SEMA5A: variants seen among roughly 807,000 people sequenced by gnomAD.
SEMA5A encodes semaphorin 5A, also known as semaphorin-5A.
In SEMA5A, 55 loss-of-function variants were observed where a neutral mutation model predicts 135.5. The ratio of observed to expected loss-of-function variants is 0.41; its 90% CI spans 0.33 to 0.51. SEMA5A has a LOEUF of 0.51. SEMA5A is among the 20% of genes least tolerant of loss of function. SEMA5A has a pLI of 0.37. For missense variants in SEMA5A, 1,290 were observed against 1,419.9 expected (o/e 0.91, Z 1.47); for synonymous variants, 580 against 546.5 (o/e 1.06, Z -0.85).
At chr5:9,504,694 G>T (rs962179924) in intron 1 of SEMA5A, among the ~76,000 whole-genome samples, 1 of 152,234 alleles carries the variant, frequency 6.6e-6, no homozygotes, top group Non-Finnish European at 1.5e-5. Context: ...GAGGCTGAAG[G>T]ACAGGTGCAA....
At chr5:9,255,582 T>C (rs1352824258) in intron 5 of SEMA5A, among the ~76,000 whole-genome samples, 1 of 152,180 alleles carries the variant, frequency 6.6e-6, no homozygotes, top group African/African-American at 2.4e-5. Flanking sequence ...CCATGGCTCA[T>C]CCTGTCCAGG....
chr5:9,119,098 T>A lies in SEMA5A; in HGVS notation c.1825A>T (p.Thr609Ser). The A allele has an allele frequency of 1.9e-6, 3 of 1,613,822 alleles. No individual in the cohort carries two copies. Among genetic ancestry groups the A allele is most frequent in the Non-Finnish European group, 2.5e-6 (3 of 1,179,950 alleles). The change falls in exon 15 of 23, where the codon ACT (threonine) becomes TCT (serine). Residue 609 changes from threonine to serine, a missense_variant. Physicochemically the swap from Thr to Ser is moderately conservative, Grantham distance 58. This residue lies in a region of SEMA5A where 1,029 missense variants were observed against 1,086.6 expected (regional missense o/e 0.95). Transcript: ENST00000382496. ...ACCTGGAAGCCGATCCCACAGGTAG[T>A]GCTGCAGGGAGACCACGAGGTCCAG... ...TPWTSWSPCS[T>S]TCGIGFQVRQ...
chr5:9,232,106 G>A (rs1747662099), intron 6 of SEMA5A, among the ~76,000 whole-genome samples: 2 of 152,174 alleles, frequency 1.3e-5, no homozygotes, highest in African/African-American at 4.8e-5. Flanking sequence ...AGGACACAAG[G>A]CCCCAGCCCC....
At chr5:9,165,670 C>T (rs1368427544) in intron 11 of SEMA5A, among the ~76,000 whole-genome samples, 4 of 152,162 alleles carry the variant, frequency 2.6e-5, no homozygotes, top group African/African-American at 7.2e-5. Flanking sequence ...TTTGGCTCAT[C>T]GACCCAGAGT....
chr5:9,230,158 CTTTTTTTT>C (rs5865817), intron 6 of SEMA5A, among the ~76,000 whole-genome samples: 6 of 98,286 alleles, frequency 6.1e-5, no homozygotes, highest in African/African-American at 1.1e-4. Flanking sequence ...CTATTTTTTT[CTTTTTTTT>C]TTTTTTTTTT....
At chr5:9,196,577 C>T (rs1745397430) in intron 10 of SEMA5A, among the ~76,000 whole-genome samples, 3 of 152,190 alleles carry the variant, frequency 2.0e-5, no homozygotes, top group African/African-American at 4.8e-5. Flanking sequence ...GAGTAAATTG[C>T]TTCATCTCTT....
rs748047695 is a variant in SEMA5A, at chr5:9,119,109, G to A, written c.1814C>T (p.Ser605Phe). Residue 605 changes from serine to phenylalanine, a missense_variant, in exon 15 of 23, where the codon TCT becomes TTT. Ser to Phe is a radical substitution (Grantham distance 155). Around this residue, in one of 3 missense-constraint regions of SEMA5A, gnomAD observed 1,029 missense variants for 1,086.6 expected, o/e 0.95. Transcript: ENST00000382496. ...GATCCCACAGGTAGTGCTGCAGGGAGACCACGAGGTCCAGGGAGTCCAGCC... is the reference window on the plus strand; with the variant it reads ...GATCCCACAGGTAGTGCTGCAGGGAAACCACGAGGTCCAGGGAGTCCAGCC... ...NGGWTPWTSWSPCSTTCGIGF... is the reference protein window; with the variant it reads ...NGGWTPWTSWFPCSTTCGIGF... The A allele has an allele frequency of 4.3e-6, 7 of 1,613,794 alleles. No homozygotes were observed. In the Admixed American group the frequency reaches 6.7e-5, roughly 15 times the overall value.
At chr5:9,324,064 A>AT (rs1190507843) in intron 4 of SEMA5A, among the ~76,000 whole-genome samples, 2 of 144,668 alleles carry the variant, frequency 1.4e-5, no homozygotes, top group East Asian at 2.0e-4. Context: ...TTTAAACAAT[A>AT]TTTTATTTTA....
intron 12 of SEMA5A, among the ~76,000 whole-genome samples, chr5:9,151,276 G>A (rs1742621585): frequency 1.3e-5 from 2 of 152,148 alleles, no homozygotes; most frequent in East Asian, 3.9e-4. Context: ...AATTAAACAT[G>A]TAAACATGAT....
At chr5:9,308,745 C>T (rs147995686) in intron 5 of SEMA5A, among the ~76,000 whole-genome samples, 1 of 152,100 alleles carries the variant, frequency 6.6e-6, no homozygotes, top group South Asian at 2.1e-4. Flanking sequence ...CTAGCTCTAC[C>T]ACCTATCAGA....
At chr5:9,386,968 G>A (rs1755920407) in intron 2 of SEMA5A, among the ~76,000 whole-genome samples, 1 of 152,172 alleles carries the variant, frequency 6.6e-6, no homozygotes, top group South Asian at 2.1e-4. Flanking sequence ...AGGACTCCCA[G>A]AATTTGGAAG....
chr5:9,078,151 T>C (rs923778152), intron 16 of SEMA5A, among the ~76,000 whole-genome samples: 1 of 152,220 alleles, frequency 6.6e-6, no homozygotes, highest in African/African-American at 2.4e-5. Context: ...GGAATTCAGA[T>C]ATCTTTTTCC....
At chr5:9,278,868 C>T (rs1284231253) in intron 5 of SEMA5A, among the ~76,000 whole-genome samples, 1 of 152,220 alleles carries the variant, frequency 6.6e-6, no homozygotes, top group East Asian at 1.9e-4. Flanking sequence ...TGTATGTAAA[C>T]ACCTTGATGT....
At chr5:9,175,776 C>T (rs977075125) in intron 11 of SEMA5A, among the ~76,000 whole-genome samples, 3 of 152,206 alleles carry the variant, frequency 2.0e-5, no homozygotes, top group South Asian at 2.1e-4. Flanking sequence ...TAGGAACAGC[C>T]TCGTAATTGG....
chr5:9,439,451 T>C (rs1386973435), intron 1 of SEMA5A, among the ~76,000 whole-genome samples: 1 of 152,202 alleles, frequency 6.6e-6, no homozygotes, highest in Non-Finnish European at 1.5e-5. Context: ...GTAATAAAGT[T>C]TGACAGATCC....
chr5:9,522,777 T>C (rs1303485697), intron 1 of SEMA5A: 4 of 152,212 alleles, frequency 2.6e-5, no homozygotes, highest in African/African-American at 9.7e-5. Flanking sequence ...ATGACAAGTA[T>C]GATTCTGCAT....
rs138389645 is a variant in SEMA5A, at chr5:9,514,294, C to T, written c.-175+31290G>A. On this transcript the variant is annotated intron_variant, in intron 1 of 22. Coordinates refer to ENST00000382496, the MANE Select transcript of SEMA5A (RefSeq NM_003966.3). ...CAGAATAATCTCTCACCTCAAGACC[C>T]GTAACTTAATCACATCTGCATCATT... Among the ~76,000 whole-genome samples the T allele has an allele frequency of 2.5e-3, 374 of 152,310 alleles. 7 individuals carry two copies. Among genetic ancestry groups the T allele is most frequent in the South Asian group, 0.02 (95 of 4,828 alleles).
At chr5:9,412,343 G>C (rs1212742277) in intron 2 of SEMA5A, among the ~76,000 whole-genome samples, 1 of 151,832 alleles carries the variant, frequency 6.6e-6, no homozygotes, top group African/African-American at 2.4e-5. Context: ...CCACTTATTA[G>C]ATTATCCTAT....
chr5:9,246,016 G>C (rs2150476010), intron 5 of SEMA5A, among the ~76,000 whole-genome samples: 1 of 152,068 alleles, frequency 6.6e-6, no homozygotes, highest in East Asian at 1.9e-4. Context: ...CAGTATCAAG[G>C]ACATTATAAT....
Sources: gnomAD v4.1 joint callset for allele counts (sites outside exome capture counted in the v4.1 genomes callset) on GRCh38, gnomAD v4.1.1 for gene constraint, gnomAD v4.1.1 regional missense constraint, MANE v1.5 for transcripts, NCBI Gene and HGNC (gene_info 2026-07-23, HGNC 2026-07-21) for gene names.